The following ZNF318 variants were observed in gnomAD, a reference collection of about 807,000 sequenced individuals.
The protein encoded by ZNF318 is endocrine regulator.
A neutral mutation model predicts 124.2 loss-of-function variants in ZNF318; 51 were observed. The observed-to-expected ratio is 0.41, with a 90% CI of 0.33 to 0.52. The LOEUF is 0.52. Among genes scored for constraint, ZNF318 ranks in the 20% least tolerant of loss-of-function variants. The pLI is 0.23. For synonymous variants in ZNF318, 1,090 were observed against 1,040.7 expected (o/e 1.05, Z -0.91); for missense variants, 2,815 against 2,811.2 (o/e 1.00, Z -0.03).
At position 43,355,729 on chromosome 6, in the gene ZNF318, C is replaced by A. The variant is rs1779598919; in HGVS notation, c.1605G>T (p.Glu535Asp). The stretch of plus-strand genomic sequence containing the variant: ...CTTCTTCATCCCCATAGAGAAATTT[C>A]TCCTCATCTTCAATGTCGGGAAAGC... ...RRSFPDIEDE[E>D]KFLYGDEEED... Residue 535 changes from glutamate to aspartate, a missense_variant, in exon 4 of 10, where the codon GAG becomes GAT. This residue lies in a region of ZNF318 where 1,377 missense variants were observed against 1,353.5 expected (regional missense o/e 1.02). Transcript: ENST00000361428. 1.9e-6 allele frequency: 3 copies of A among 1,614,088 alleles called. No homozygotes were observed. Among genetic ancestry groups the A allele is most frequent in the Admixed American group, 3.3e-5 (2 of 60,002 alleles).
At chr6:43,346,968 C>T (rs1212754381) in intron 6 of ZNF318, among the ~76,000 whole-genome samples, 1 of 152,002 alleles carries the variant, frequency 6.6e-6, no homozygotes, top group Non-Finnish European at 1.5e-5. Context: ...ATTAGGGGAA[C>T]ACATTTAATT....
intron 1 of ZNF318, among the ~76,000 whole-genome samples, chr6:43,366,971 C>A (rs926900339): frequency 6.6e-6 from 1 of 152,124 alleles, no homozygotes. Flanking sequence ...CCTGCCTCAG[C>A]CTCCCAAGTA....
chr6:43,346,595 C>T (rs1456023390), intron 6 of ZNF318, among the ~76,000 whole-genome samples: 1 of 142,280 alleles, frequency 7.0e-6, no homozygotes, highest in Non-Finnish European at 1.5e-5. Context: ...TTAAATAAGA[C>T]AACGAAATAA....
chr6:43,355,186 G>T lies in ZNF318; in HGVS notation c.2148C>A (p.Asp716Glu), dbSNP rs764617441. 1 of 1,614,234 alleles carries T rather than the reference G, an allele frequency of 6.2e-7. No homozygotes were observed. The highest frequency in any genetic ancestry group is 1.7e-5 in the Admixed American group (1 of 60,024). Residue 716 changes from aspartate (D) to glutamate (E), a missense_variant, in exon 4 of 10, where the codon GAC becomes GAA. Asp to Glu is a conservative substitution (Grantham distance 45). Around this residue, in one of 4 missense-constraint regions of ZNF318, gnomAD observed 1,377 missense variants for 1,353.5 expected, o/e 1.02. Transcript: ENST00000361428. ...GTCCTGAAATATGACCCACTGGATG[G>T]TCAGACTTTAGGAATGGAGGGCTGT... is the stretch of plus-strand genomic sequence containing the variant. The part of the protein sequence containing the change: ...TKNSPPFLKS[D>E]HPVGHISGPE...
At chr6:43,347,420 C>A (rs1012522002) in intron 6 of ZNF318, among the ~76,000 whole-genome samples, 1 of 152,152 alleles carries the variant, frequency 6.6e-6, no homozygotes, top group Non-Finnish European at 1.5e-5. Flanking sequence ...TCGAGATTTA[C>A]TTTGGAGAGG....
chr6:43,357,084 A>C, intron 3 of ZNF318, 42 bp downstream of exon 3: 1 of 1,562,966 alleles, frequency 6.4e-7, no homozygotes, highest in Non-Finnish European at 8.6e-7. Context: ...TTAAGATATT[A>C]GGGAGACTAG....
In ZNF318 at chr6:43,368,949, G is replaced by C; in HGVS notation, c.399+18C>G. Reference sequence around the variant, plus strand: ...GGACTGGGGGATGGAGGGAGTCCTGGACGAGGGGTGGGATTACCCGGCTGC... The same window carrying C: ...GGACTGGGGGATGGAGGGAGTCCTGCACGAGGGGTGGGATTACCCGGCTGC... On this transcript the variant is annotated intron_variant, in intron 1 of 9. Coordinates refer to ENST00000361428, the MANE Select transcript of ZNF318 (RefSeq NM_014345.3). 1 of 1,381,006 alleles carries C rather than the reference G, an allele frequency of 7.2e-7. No homozygotes were observed. Among genetic ancestry groups the C allele is most frequent in the Middle Eastern group, 2.0e-4 (1 of 4,964 alleles). The allele number at this position is 1,381,006 out of a possible 1,614,324, so 85.5% of individuals were successfully genotyped here. A position where few individuals can be genotyped will look rare whatever the true frequency, so the allele number is the denominator to read the frequency against.
intron 1 of ZNF318, 195 bp downstream of exon 1, chr6:43,368,772 T>G: frequency 1.0e-6 from 1 of 985,440 alleles, no homozygotes. Context: ...GAGACGCCCG[T>G]GCGCTCCCGA....
chr6:43,352,606 CCTTA>C, intron 4 of ZNF318, 130 bp from the exon 5 acceptor site: 3 of 744,498 alleles, frequency 4.0e-6, no homozygotes, highest in Non-Finnish European at 4.4e-6. Context: ...CAGGCTCTGA[CCTTA>C]CTGTCAAAGT....
Position 43,348,448 on chromosome 6 carries a change from T to C in ZNF318, c.2948A>G (p.Asn983Ser), listed in dbSNP as rs773310215. 6.2e-7 allele frequency: 1 copy of C among 1,614,180 alleles called. No individual in the cohort carries two copies. The highest frequency in any genetic ancestry group is 8.5e-7 in the Non-Finnish European group (1 of 1,180,022). ...AGACTTCTGGGATTTATCGAAGATGTTAATTCCCAAGATCTGAGCCACTTT... is the reference window on the plus strand; with the variant it reads ...AGACTTCTGGGATTTATCGAAGATGCTAATTCCCAAGATCTGAGCCACTTT... The part of the protein sequence containing the change: ...LDKVAQILGI[N>S]IFDKSQKSLS... Residue 983 changes from asparagine to serine, a missense_variant, in exon 6 of 10, where the codon AAC becomes AGC. This residue lies in a region of ZNF318 where 1,377 missense variants were observed against 1,353.5 expected (regional missense o/e 1.02). Coordinates refer to ENST00000361428, the MANE Select transcript of ZNF318 (RefSeq NM_014345.3).
At chr6:43,368,807 G>A (rs543969611) in intron 1 of ZNF318, 160 bp downstream of exon 1, 10 of 983,776 alleles carry the variant, frequency 1.0e-5, no homozygotes, top group Non-Finnish European at 1.1e-5. Flanking sequence ...CAACGCTCCC[G>A]GGTCTGACAG....
chr6:43,361,991 T>C (rs1398088829), intron 2 of ZNF318, among the ~76,000 whole-genome samples: 1 of 151,706 alleles, frequency 6.6e-6, no homozygotes, highest in Non-Finnish European at 1.5e-5. Context: ...ACCCCATCTC[T>C]ACAAAAATTT....
At chr6:43,354,261 T>C (rs1032693166) in intron 4 of ZNF318, among the ~76,000 whole-genome samples, 1 of 152,204 alleles carries the variant, frequency 6.6e-6, no homozygotes, top group Non-Finnish European at 1.5e-5. Flanking sequence ...CTCATAATCA[T>C]TACAGGGTAA....
In ZNF318 at chr6:43,369,251, T is replaced by C; in HGVS notation, c.115A>G (p.Ser39Gly). The change falls in exon 1 of 10, where the codon AGC (serine) becomes GGC (glycine). Residue 39 changes from serine (S) to glycine (G), a missense_variant. Ser to Gly is a moderately conservative substitution (Grantham distance 56). Coordinates refer to ENST00000361428, the MANE Select transcript of ZNF318 (RefSeq NM_014345.3). ...SGSSSGPARRSSPPPPPSGSS... is the reference protein window; with the variant it reads ...SGSSSGPARRGSPPPPPSGSS... ...CCGGAGGGCGGAGGCGGCGGTGAGC[T>C]GCGGCGAGCCGGGCCTGAGGAGGAG... 1.6e-6 allele frequency: 2 copies of C among 1,254,464 alleles called. No individual in the cohort carries two copies. The highest frequency in any genetic ancestry group is 2.0e-6 in the Non-Finnish European group (2 of 998,834). 77.7% of individuals were successfully genotyped at this position (1,254,464 alleles called of 1,614,324 possible).
Position 43,339,145 on chromosome 6 carries a change from A to G in ZNF318, c.4853T>C (p.Leu1618Ser). The G allele has an allele frequency of 6.2e-7, 1 of 1,614,184 alleles. No individual in the cohort carries two copies. Among genetic ancestry groups the G allele is most frequent in the Non-Finnish European group, 8.5e-7 (1 of 1,180,032 alleles). The change falls in exon 10 of 10, where the codon TTG becomes TCG. Residue 1618 changes from leucine to serine, a missense_variant. Transcript: ENST00000361428. The surrounding 1 kb of genome is among the most constrained non-coding windows in gnomAD (Gnocchi z 4.2). ...CTCCTCTTGGGATGCACTGCTGTTC[A>G]AAGGAGAAGTAGAAGAGGTGTCTGA... ...KSSDTSSTSP[L>S]NSSASQEELH...
intron 5 of ZNF318, 34 bp from the exon 6 acceptor site, chr6:43,348,659 G>C (rs761242136): frequency 1.9e-6 from 3 of 1,598,336 alleles, no homozygotes; most frequent in Non-Finnish European, 2.6e-6. Flanking sequence ...AAGAAGCACA[G>C]GGAAAATAAG....
intron 5 of ZNF318, among the ~76,000 whole-genome samples, chr6:43,351,528 AGG>A (rs1779524356): frequency 6.6e-6 from 1 of 152,206 alleles, no homozygotes; most frequent in Admixed American, 6.5e-5. Flanking sequence ...TGGGAGGCCG[AGG>A]AAGGAGGATT....
intron 6 of ZNF318, 105 bp downstream of exon 6, chr6:43,348,212 TAATTAAC>T (rs1779475582): frequency 9.1e-7 from 1 of 1,096,224 alleles, no homozygotes. Flanking sequence ...TGTAAGAAAA[TAATTAAC>T]AAGAGTAAGA....
rs1436050024 is a variant in ZNF318, at chr6:43,354,972, A to G, written c.2362T>C (p.Phe788Leu). The change falls in exon 4 of 10, where the codon TTT (phenylalanine) becomes CTT (leucine). Residue 788 changes from phenylalanine to leucine, a missense_variant. This residue lies in a region of ZNF318 where 1,377 missense variants were observed against 1,353.5 expected (regional missense o/e 1.02). Coordinates refer to ENST00000361428, the MANE Select transcript of ZNF318 (RefSeq NM_014345.3). ...GCCATGTAGTGCCTATAGGCATCAA[A>G]AGAGGCAGGGGGAATGGCAGGTCCC... Reference protein sequence around the residue: ...YQGPAIPPASFDAYRHYMAYA... With the variant: ...YQGPAIPPASLDAYRHYMAYA... The G allele has an allele frequency of 1.2e-6, 2 of 1,610,096 alleles. No homozygotes were observed. Among genetic ancestry groups the G allele is most frequent in the South Asian group, 1.1e-5 (1 of 90,466 alleles).
Sources: allele counts gnomAD v4.1 joint callset (sites outside exome capture counted in the v4.1 genomes callset), GRCh38; gene constraint gnomAD v4.1.1; regional missense constraint gnomAD v4.1.1; non-coding constraint Gnocchi (gnomAD v3.1); transcripts MANE v1.5; gene names NCBI Gene and HGNC (gene_info 2026-07-23, HGNC 2026-07-21).